The following LDB3 variants were observed in gnomAD, a reference collection of about 807,000 sequenced individuals.
The protein encoded by LDB3 is LIM domain binding 3, also known as LIM domain-binding protein 3.
A neutral mutation model predicts 69.0 loss-of-function variants in LDB3; 49 were observed. The observed-to-expected ratio is 0.71, with a 90% CI of 0.56 to 0.90. The LOEUF (loss-of-function observed/expected upper bound fraction) is 0.90. LDB3 is among the 40% of genes least tolerant of loss of function. The pLI, the probability that LDB3 is intolerant of heterozygous loss-of-function variation, is 0.00. For synonymous variants in LDB3, 387 were observed against 396.2 expected (o/e 0.98, Z 0.28); for missense variants, 928 against 974.1 (o/e 0.95, Z 0.63).
chr10:86,679,628 C>T, intron 3 of LDB3, 110 bp downstream of exon 3: 1 of 1,240,992 alleles, frequency 8.1e-7, no homozygotes, highest in Non-Finnish European at 1.2e-6. Flanking sequence ...CCCTGGGCTA[C>T]AAAACTGTGC....
At chr10:86,667,341 C>G (rs1296564327), upstream of LDB3, among the ~76,000 whole-genome samples, 1 of 152,118 alleles carries the variant, frequency 6.6e-6, no homozygotes, top group Non-Finnish European at 1.5e-5. Context: ...AACCCAGTTG[C>G]CTCCCCTGAG....
chr10:86,669,453 A>C (rs1449365764), intron 2 of LDB3, among the ~76,000 whole-genome samples: 1 of 152,124 alleles, frequency 6.6e-6, no homozygotes, highest in Non-Finnish European at 1.5e-5. Flanking sequence ...TGTGATGGGG[A>C]GCAGCATGGC....
intron 5 of LDB3, chr10:86,687,295 G>T (rs779718739): frequency 1.2e-6 from 2 of 1,607,102 alleles, no homozygotes; most frequent in Non-Finnish European, 8.5e-7. Context: ...CTCCTCCACC[G>T]CCACTCAGTG....
intron 2 of LDB3, among the ~76,000 whole-genome samples, chr10:86,674,055 C>A (rs1200081173): frequency 6.6e-6 from 1 of 152,140 alleles, no homozygotes; most frequent in East Asian, 1.9e-4. Flanking sequence ...ACTGGTCAGT[C>A]AGGGCTGGCT....
chr10:86,678,773 G>A (rs1844946404), intron 2 of LDB3, among the ~76,000 whole-genome samples: 1 of 152,098 alleles, frequency 6.6e-6, no homozygotes. Flanking sequence ...TGAGTAGCTA[G>A]AACTACAGCC....
chr10:86,670,874 T>G (rs1347448934), intron 2 of LDB3, among the ~76,000 whole-genome samples: 1 of 152,198 alleles, frequency 6.6e-6, no homozygotes, highest in Non-Finnish European at 1.5e-5. Flanking sequence ...ATTTTGGTGG[T>G]AGGCTGCTGA....
chr10:86,667,004 C>T (rs1377853169), upstream of LDB3, among the ~76,000 whole-genome samples: 2 of 152,152 alleles, frequency 1.3e-5, no homozygotes, highest in African/African-American at 2.4e-5. Context: ...TGACATGGGG[C>T]TTTGCAGAGA....
At chr10:86,687,371 G>T in intron 5 of LDB3, 1 of 1,210,352 alleles carries the variant, frequency 8.3e-7, no homozygotes, top group Non-Finnish European at 1.2e-6. Flanking sequence ...CCTCACGTTG[G>T]ACCTCCTGGA....
chr10:86,692,638 G>C, intron 7 of LDB3, 67 bp downstream of exon 7: 2 of 1,419,826 alleles, frequency 1.4e-6, no homozygotes, highest in Non-Finnish European at 2.0e-6. Flanking sequence ...GCAGCCCCCA[G>C]GTCACATCAC....
chr10:86,709,010 C>T (rs983944970), intron 8 of LDB3, among the ~76,000 whole-genome samples: 16 of 152,200 alleles, frequency 1.1e-4, no homozygotes, highest in African/African-American at 3.9e-4. Context: ...AGCAATAACC[C>T]ATTTGCCCTG....
Position 86,706,734 on chromosome 10 carries a change from G to A in LDB3, c.1085+15G>A, listed in dbSNP as rs1346203787. On this transcript the variant is annotated intron_variant, in intron 8 of 13. Coordinates refer to ENST00000361373, the MANE Select transcript of LDB3 (RefSeq NM_007078.3). ...GACAGCCCAAGGTAACTGGGCCACA[G>A]GTGCTGGGCCTGACCCTGGGGAAGG... is the stretch of plus-strand genomic sequence containing the variant. 1 of 1,605,508 alleles carries A rather than the reference G, an allele frequency of 6.2e-7. No individual in the cohort carries two copies. Among genetic ancestry groups the A allele is most frequent in the Non-Finnish European group, 8.5e-7 (1 of 1,176,302 alleles).
At chr10:86,668,387 A>C, upstream of LDB3, 1 of 467,372 alleles carries the variant, frequency 2.1e-6, no homozygotes, top group East Asian at 4.2e-5. Context: ...GGGCTATATT[A>C]GCCGTGTGAG....
chr10:86,696,546 C>T (rs1846007823), intron 7 of LDB3, among the ~76,000 whole-genome samples: 1 of 152,160 alleles, frequency 6.6e-6, no homozygotes, highest in Non-Finnish European at 1.5e-5. Context: ...GTAGAGCATG[C>T]TCACTAGATT....
At chr10:86,704,823 C>A (rs894802560) in intron 7 of LDB3, among the ~76,000 whole-genome samples, 1 of 151,928 alleles carries the variant, frequency 6.6e-6, no homozygotes, top group African/African-American at 2.4e-5. Flanking sequence ...ACCTCGTGAT[C>A]CGCCCACCTC....
At chr10:86,717,930 C>T in intron 10 of LDB3, 34 bp from the exon 11 acceptor site, 1 of 1,606,628 alleles carries the variant, frequency 6.2e-7, no homozygotes, top group Non-Finnish European at 8.5e-7. Context: ...GTTCTGGGAG[C>T]TGCCTTACTG....
intron 12 of LDB3, among the ~76,000 whole-genome samples, chr10:86,724,278 C>T (rs1253047841): frequency 6.7e-6 from 1 of 150,128 alleles, no homozygotes; most frequent in East Asian, 2.0e-4. Flanking sequence ...TGCCACTGCA[C>T]TCCACCTGGG....
rs1847252010 is a variant in LDB3, at chr10:86,726,259, C to T, written c.2094+7C>T. On this transcript the variant is annotated splice_region_variant and intron_variant, in intron 13 of 13. Transcript: ENST00000361373. ...CACCTGCTTCATTTGCGCAGTATGT[C>T]TCTAGCTTGGGGCTCTGGCTTTCTG... 3 of 1,611,238 alleles carry T rather than the reference C, an allele frequency of 1.9e-6. No homozygotes were observed. The highest frequency in any genetic ancestry group is 2.5e-6 in the Non-Finnish European group (3 of 1,177,420).
intron 5 of LDB3, chr10:86,685,729 C>T (rs113395856): frequency 1.3e-4 from 207 of 1,613,578 alleles, no homozygotes; most frequent in African/African-American, 1.3e-3. Context: ...CATGTGTGTG[C>T]GCTTGCGTGC....
chr10:86,685,826 G>A (rs1228326767), intron 5 of LDB3: 1 of 1,145,990 alleles, frequency 8.7e-7, no homozygotes, highest in Non-Finnish European at 1.3e-6. Flanking sequence ...GTATGAGTGG[G>A]GTACACTTGT....
Sources: allele counts gnomAD v4.1 joint callset (sites outside exome capture counted in the v4.1 genomes callset), GRCh38; gene constraint gnomAD v4.1.1; transcripts MANE v1.5; gene names NCBI Gene and HGNC (gene_info 2026-07-23, HGNC 2026-07-21).